Variants in ANO2 observed in about 807,000 individuals in gnomAD.
ANO2 encodes the protein anoctamin-2.
A neutral mutation model predicts 124.2 loss-of-function variants in ANO2; 101 were observed. That is an observed-to-expected ratio of 0.81 (90% confidence interval 0.69 to 0.96). The LOEUF (loss-of-function observed/expected upper bound fraction) is 0.96, where lower values mean the gene tolerates loss of function less well. ANO2 is among the 40% of genes least tolerant of loss of function. ANO2 has a pLI of 0.00. For synonymous variants in ANO2, 486 were observed against 482.5 expected, an observed-to-expected ratio of 1.01 and a Z score of -0.09; for missense variants, 1,293 against 1,274.5, an observed-to-expected ratio of 1.01 and a Z score of -0.22.
At chr12:5,596,431 GT>G (rs1943663154) in intron 20 of ANO2, among the ~76,000 whole-genome samples, 2 of 152,118 alleles carry the variant, frequency 1.3e-5, no homozygotes, top group African/African-American at 4.8e-5. Context: ...CACCAAAATG[GT>G]TTAAAAAAAT....
intron 10 of ANO2, among the ~76,000 whole-genome samples, chr12:5,770,402 T>C (rs1169208475): frequency 2.0e-5 from 3 of 152,162 alleles, no homozygotes; most frequent in Admixed American, 2.0e-4. Flanking sequence ...GAACTCTTGG[T>C]TTCCTTGTTG....
At chr12:5,853,997 A>C in intron 4 of ANO2, 46 bp downstream of exon 4, 1 of 1,531,064 alleles carries the variant, frequency 6.5e-7, no homozygotes, top group Non-Finnish European at 9.0e-7. Context: ...ATTTGCATCC[A>C]TCCAGCCCTC....
intron 3 of ANO2, among the ~76,000 whole-genome samples, chr12:5,882,209 T>C (rs1361345891): frequency 6.6e-6 from 1 of 152,200 alleles, no homozygotes; most frequent in Non-Finnish European, 1.5e-5. Flanking sequence ...TCTAAAGACC[T>C]ATCCTACAGT....
chr12:5,747,972 G>T (rs1951319411), intron 11 of ANO2, among the ~76,000 whole-genome samples: 1 of 152,202 alleles, frequency 6.6e-6, no homozygotes, highest in Non-Finnish European at 1.5e-5. Flanking sequence ...GTGCATCTGT[G>T]TGCAGACATC....
chr12:5,602,388 C>T (rs1285224850), intron 19 of ANO2, among the ~76,000 whole-genome samples: 1 of 151,976 alleles, frequency 6.6e-6, no homozygotes, highest in Non-Finnish European at 1.5e-5. Context: ...GTAGCTAGGA[C>T]TACAGGCATG....
intron 22 of ANO2, among the ~76,000 whole-genome samples, chr12:5,576,911 G>A (rs1942445334): frequency 6.6e-6 from 1 of 152,174 alleles, no homozygotes; most frequent in Admixed American, 6.5e-5. Flanking sequence ...CTTGTTATAT[G>A]TCCTTTCATC....
chr12:5,830,555 C>T, intron 5 of ANO2, 66 bp from the exon 6 acceptor site: 1 of 1,432,556 alleles, frequency 7.0e-7, no homozygotes, highest in Non-Finnish European at 9.6e-7. Flanking sequence ...CCACTGCCAC[C>T]CCAGACCCAC....
upstream of ANO2, among the ~76,000 whole-genome samples, chr12:5,945,985 G>A (rs1247211986): frequency 1.3e-5 from 2 of 152,202 alleles, no homozygotes; most frequent in Non-Finnish European, 2.9e-5. Context: ...GACAGTTCAC[G>A]GACCTGGGCA....
intron 3 of ANO2, among the ~76,000 whole-genome samples, chr12:5,902,881 AGGAGG>A (rs1565764577): frequency 1.9e-3 from 1 of 522 alleles, no homozygotes; most frequent in Non-Finnish European, 3.1e-3. Flanking sequence ...GGGAGGGGAG[AGGAGG>A]GGAGGGGAGG....
At chr12:5,865,147 T>A (rs749854298) in intron 3 of ANO2, among the ~76,000 whole-genome samples, 8 of 152,190 alleles carry the variant, frequency 5.3e-5, no homozygotes, top group Non-Finnish European at 1.2e-4. Flanking sequence ...CATCTCTCCC[T>A]TAAAGAATCT....
intron 10 of ANO2, among the ~76,000 whole-genome samples, chr12:5,785,079 G>C (rs553823382): frequency 2.6e-5 from 4 of 152,212 alleles, no homozygotes; most frequent in Non-Finnish European, 5.9e-5. Flanking sequence ...CCCTACCCTG[G>C]ACCTATAAAT....
chr12:5,633,264 T>C (rs1447050383), intron 16 of ANO2, among the ~76,000 whole-genome samples: 1 of 152,216 alleles, frequency 6.6e-6, no homozygotes. Context: ...GAAGCAGGTG[T>C]TCTTCTATGC....
chr12:5,926,225 T>C (rs764866233), intron 1 of ANO2, among the ~76,000 whole-genome samples: 1 of 152,202 alleles, frequency 6.6e-6, no homozygotes, highest in South Asian at 2.1e-4. Context: ...CTGAAATGTC[T>C]GCCAAACCCC....
At chr12:5,749,830 G>A (rs1220290484) in intron 11 of ANO2, among the ~76,000 whole-genome samples, 1 of 152,062 alleles carries the variant, frequency 6.6e-6, no homozygotes, top group East Asian at 1.9e-4. Context: ...TAGGCGTCGC[G>A]ATTACCATTT....
At chr12:5,844,464 T>C (rs969670583) in intron 4 of ANO2, among the ~76,000 whole-genome samples, 15 of 152,228 alleles carry the variant, frequency 9.9e-5, no homozygotes, top group Admixed American at 9.8e-4. Flanking sequence ...AGAATGTAAC[T>C]GACCCCAAAA....
chr12:5,596,285 C>T (rs539329165), intron 20 of ANO2, among the ~76,000 whole-genome samples: 9 of 152,132 alleles, frequency 5.9e-5, no homozygotes, highest in South Asian at 2.1e-4. Context: ...GGGATTATTA[C>T]GCAGCTATTC....
chr12:5,839,968 T>C (rs1048020990), intron 4 of ANO2, among the ~76,000 whole-genome samples: 1 of 152,128 alleles, frequency 6.6e-6, no homozygotes, highest in Non-Finnish European at 1.5e-5. Flanking sequence ...TAGGCTGTAG[T>C]GCCCCTTTCC....
At chr12:5,696,885 C>T (rs1295231278) in intron 14 of ANO2, among the ~76,000 whole-genome samples, 1 of 152,110 alleles carries the variant, frequency 6.6e-6, no homozygotes, top group African/African-American at 2.4e-5. Flanking sequence ...TAAATTGATG[C>T]AGAAAAAGCA....
At chr12:5,828,400 G>A (rs1468135440) in intron 6 of ANO2, among the ~76,000 whole-genome samples, 2 of 152,186 alleles carry the variant, frequency 1.3e-5, no homozygotes, top group Non-Finnish European at 2.9e-5. Context: ...GGGCCATCTC[G>A]CCCACCTGCT....
Sources: allele counts gnomAD v4.1 joint callset (sites outside exome capture counted in the v4.1 genomes callset), GRCh38; gene constraint gnomAD v4.1.1; transcripts MANE v1.5; gene names NCBI Gene and HGNC (gene_info 2026-07-23, HGNC 2026-07-21).